C3: variants seen among roughly 807,000 people sequenced by gnomAD.
C3 encodes the protein C3 and PZP-like alpha-2-macroglobulin domain-containing protein 1.
Under a neutral mutation model 207.9 loss-of-function variants are expected in C3, and 97 were observed. The ratio of observed to expected loss-of-function variants is 0.47; its 90% confidence interval spans 0.40 to 0.55. The LOEUF is 0.55. C3 is among the 20% of genes least tolerant of loss of function. The pLI is 0.00. For missense variants in C3, 1,684 were observed against 2,171.7 expected, an observed-to-expected ratio of 0.78 and a Z score of 4.46; for synonymous variants, 848 against 857.6, an observed-to-expected ratio of 0.99 and a Z score of 0.20.
At chr19:6,679,068 C>A in intron 38 of C3, 57 bp downstream of exon 38, 2 of 1,365,450 alleles carry the variant, frequency 1.5e-6, no homozygotes, top group Non-Finnish European at 2.1e-6. Context: ...TACCACCCAC[C>A]ACACAATTGG....
intron 14 of C3, 58 bp from the exon 15 acceptor site, chr19:6,707,987 C>G (rs1967818523): frequency 6.2e-7 from 1 of 1,601,902 alleles, no homozygotes; most frequent in Admixed American, 1.7e-5. Flanking sequence ...ATTGGGATCC[C>G]CCACATATGC....
rs1388062887 is a variant in C3 at position 6,710,847 on chromosome 19, T to TG, written c.1480-3dup. ...CAACAGCCTGCCCTTGTTCATGATC[T>TG]GGGGGGACAGGCTGGCATCAGGCTG... On this transcript the variant is annotated splice_polypyrimidine_tract_variant and splice_region_variant and intron_variant, in intron 12 of 40. Coordinates refer to ENST00000245907, the MANE Select transcript of C3 (RefSeq NM_000064.4). The TG allele has an allele frequency of 6.2e-7, 1 of 1,613,046 alleles. No individual in the cohort carries two copies. Among genetic ancestry groups the TG allele is most frequent in the South Asian group, 1.1e-5 (1 of 91,068 alleles).
At chr19:6,710,260 G>A (rs1169994317) in intron 13 of C3, among the ~76,000 whole-genome samples, 1 of 117,214 alleles carries the variant, frequency 8.5e-6, no homozygotes, top group Non-Finnish European at 1.8e-5. Context: ...GGGAGAGAGA[G>A]AGGGAGAGGG....
At chr19:6,681,602 A>G (rs1195767187) in intron 35 of C3, among the ~76,000 whole-genome samples, 2 of 152,080 alleles carry the variant, frequency 1.3e-5, no homozygotes, top group African/African-American at 4.8e-5. Context: ...AACAAAGCCC[A>G]GGATTGGGTT....
Position 6,696,484 on chromosome 19 carries a change from AT to A in C3, c.2864-20del, listed in dbSNP as rs1967536369. The stretch of plus-strand genomic sequence containing the variant: ...ACTCCTTCTGCAGGGTGAGTGAGAG[AT>A]ACCGATGGCTCTAGCTCCCTCCCGC... On this transcript the variant is annotated intron_variant, in intron 22 of 40. Coordinates refer to ENST00000245907, the MANE Select transcript of C3 (RefSeq NM_000064.4). The A allele has an allele frequency of 1.9e-6, 3 of 1,600,360 alleles. No individual in the cohort carries two copies. In the East Asian group the frequency reaches 6.7e-5, roughly 36 times the overall value.
Position 6,710,998 on chromosome 19 carries a change from A to G in C3, c.1468T>C (p.Tyr490His). ...AGGTGGCCACGGACCAGGTAGGTGTAGTAGCGGATCTTGGCCTCGTGGGCG... is the reference window on the plus strand; with the variant it reads ...AGGTGGCCACGGACCAGGTAGGTGTGGTAGCGGATCTTGGCCTCGTGGGCG... ...DRAHEAKIRY[Y>H]TYLIMNKGRL... The change falls in exon 12 of 41, where the codon TAC becomes CAC. Residue 490 changes from tyrosine (Y) to histidine (H), a missense_variant. Transcript: ENST00000245907. 6.2e-7 allele frequency: 1 copy of G among 1,614,046 alleles called. No individual in the cohort carries two copies. Among genetic ancestry groups the G allele is most frequent in the Non-Finnish European group, 8.5e-7 (1 of 1,179,952 alleles).
intron 40 of C3, 52 bp from the exon 41 acceptor site, chr19:6,678,075 G>T (rs1012252412): frequency 1.9e-6 from 3 of 1,613,966 alleles, no homozygotes; most frequent in Non-Finnish European, 2.5e-6. Context: ...GCGTGGCGCA[G>T]GGGCGTGACA....
At chr19:6,714,294 C>G (rs1364320244) in intron 5 of C3, 46 bp from the exon 6 acceptor site, 1 of 1,609,294 alleles carries the variant, frequency 6.2e-7, no homozygotes, top group Non-Finnish European at 8.5e-7. Flanking sequence ...CGGAGCCCCC[C>G]TGCTCCCTCT....
intron 14 of C3, among the ~76,000 whole-genome samples, chr19:6,709,457 A>G (rs1454713956): frequency 1.3e-5 from 2 of 151,922 alleles, no homozygotes; most frequent in African/African-American, 2.4e-5. Context: ...AAAAACAAAC[A>G]AACAAACAGA....
chr19:6,682,209 G>A lies in C3; in HGVS notation c.4193C>T (p.Ala1398Val). 2 of 1,613,880 alleles carry A rather than the reference G, an allele frequency of 1.2e-6. No homozygotes were observed. Among genetic ancestry groups the A allele is most frequent in the Non-Finnish European group, 1.7e-6 (2 of 1,179,748 alleles). The part of the protein sequence containing the change: ...ICTRYRGDQD[A>V]TMSILDISMM... The stretch of plus-strand genomic sequence containing the variant: ...GGATATGTCCAATATAGACATAGTG[G>A]CATCCTGGTCTCCCCGGTACCTGGA... Residue 1398 changes from alanine (A) to valine (V), a missense_variant, in exon 34 of 41, where the codon GCC becomes GTC. By Grantham distance (64) the Ala-to-Val change is moderately conservative (BLOSUM62 0). Around this residue, in one of 3 missense-constraint regions of C3, gnomAD observed 346 missense variants for 380.1 expected, o/e 0.91. Transcript: ENST00000245907.
chr19:6,689,360 C>CTCTCTGT (rs1555684220), intron 27 of C3, among the ~76,000 whole-genome samples: 1 of 16,546 alleles, frequency 6.0e-5, no homozygotes, highest in African/African-American at 2.7e-4. Context: ...TCCCTCCCTC[C>CTCTCTGT]CTCTCTCTCT....
chr19:6,712,460 G>A (rs746207378), intron 10 of C3, 48 bp downstream of exon 10: 41 of 1,613,966 alleles, frequency 2.5e-5, no homozygotes, highest in Non-Finnish European at 3.3e-5. Flanking sequence ...GGCTGTGGCC[G>A]GTGTCCCCGA....
intron 17 of C3, chr19:6,702,865 C>T (rs1967704199): frequency 2.7e-6 from 1 of 371,918 alleles, no homozygotes; most frequent in Non-Finnish European, 5.2e-6. Flanking sequence ...GAAACCCCAT[C>T]TCTACTAAAA....
At chr19:6,717,487 ATGTT>A (rs1329076986) in intron 4 of C3, 1 of 180,464 alleles carries the variant, frequency 5.5e-6, no homozygotes, top group Admixed American at 6.2e-5. Flanking sequence ...TGTGTGTGCT[ATGTT>A]TGTGTGCACT....
chr19:6,713,123 C>G (rs558761418), intron 9 of C3, 66 bp downstream of exon 9: 1 of 1,590,314 alleles, frequency 6.3e-7, no homozygotes, highest in Non-Finnish European at 8.6e-7. Context: ...TCTCTTCTGA[C>G]CTGGTCTCCC....
chr19:6,694,588 C>T lies in C3; in HGVS notation c.2997G>A (p.Arg999=), dbSNP rs1918260387. 1 of 1,613,828 alleles carries T rather than the reference C, an allele frequency of 6.2e-7. No homozygotes were observed. Among genetic ancestry groups the T allele is most frequent in the South Asian group, 1.1e-5 (1 of 91,086 alleles). Residue 999 remains arginine, a synonymous_variant, in exon 24 of 41, where the codon CGG becomes CGA. Coordinates refer to ENST00000245907, the MANE Select transcript of C3 (RefSeq NM_000064.4). ...AGGGGGTCACAATGAGGTGCTTCAG[C>T]CGTTCCGCGTCGACGGCATCCTCTG... ...QMTEDAVDAE[R]LKHLIVTPSG...
chr19:6,718,955 T>C (rs1354661734), intron 2 of C3, among the ~76,000 whole-genome samples: 12 of 90,568 alleles, frequency 1.3e-4, no homozygotes, highest in Middle Eastern at 9.1e-3. Context: ...AGGTCAGGGC[T>C]TAGAAGGGGA....
intron 39 of C3, 25 bp downstream of exon 39, chr19:6,678,347 C>A (rs1410636026): frequency 2.5e-6 from 4 of 1,614,082 alleles, no homozygotes; most frequent in African/African-American, 2.7e-5. Context: ...GGAAGAGCCA[C>A]GGGAGGCAGC....
At chr19:6,707,672 A>C (rs553040372) in intron 15 of C3, 128 bp downstream of exon 15, 153 of 1,519,582 alleles carry the variant, frequency 1.0e-4, no homozygotes, top group Non-Finnish European at 1.4e-4. Context: ...CTCAGAGGGG[A>C]GGGATTTACT....
Sources: allele counts gnomAD v4.1 joint callset (sites outside exome capture counted in the v4.1 genomes callset), GRCh38; gene constraint gnomAD v4.1.1; regional missense constraint gnomAD v4.1.1; transcripts MANE v1.5; gene names NCBI Gene and HGNC (gene_info 2026-07-23, HGNC 2026-07-21).